MYG1: variants seen among roughly 807,000 people sequenced by gnomAD.
MYG1 encodes MYG1 exonuclease, also known as UPF0160 protein MYG1, mitochondrial.
MYG1 carries 36 observed loss-of-function variants against 43.5 expected under a neutral mutation model. The observed-to-expected ratio is 0.83, with a 90% CI of 0.63 to 1.09. The LOEUF (loss-of-function observed/expected upper bound fraction) is 1.09, where lower values mean the gene tolerates loss of function less well. Ranked by LOEUF, MYG1 falls within the 50% of genes least tolerant of loss-of-function variation. The pLI is 0.00. For missense variants in MYG1, 529 were observed against 495.1 expected (o/e 1.07, Z -0.65); for synonymous variants, 220 against 202.8 (o/e 1.08, Z -0.72).
Position 53,305,961 on chromosome 12 carries a change from G to A in MYG1, c.543G>A (p.Gln181=), listed in dbSNP as rs755617027. The part of the protein sequence containing the change: ...EVDAVDNGIS[Q]WAEGEPRYAL... ...ATGCTGTGGACAATGGGATCTCCCA[G>A]TGGGCAGAGGGGGAGCCTCGATATG... Residue 181 remains glutamine, a synonymous_variant, in exon 4 of 7, where the codon CAG becomes CAA. Transcript: ENST00000267103. 6 of 1,613,898 alleles carry A rather than the reference G, an allele frequency of 3.7e-6. No individual in the cohort carries two copies. Among genetic ancestry groups the A allele is most frequent in the Non-Finnish European group, 5.1e-6 (6 of 1,179,912 alleles).
chr12:53,306,358 A>G (rs1326972000), intron 5 of MYG1, 38 bp downstream of exon 5: 1 of 1,610,082 alleles, frequency 6.2e-7, no homozygotes, highest in South Asian at 1.1e-5. Context: ...CTTGAGGATT[A>G]CTGACTGCCA....
chr12:53,299,826 C>T lies in MYG1; in HGVS notation c.89C>T (p.Ser30Phe), dbSNP rs780580856. Residue 30 changes from serine to phenylalanine, a missense_variant, in exon 1 of 7, where the codon TCC (serine) becomes TTC (phenylalanine). Physicochemically the swap from Ser to Phe is radical, Grantham distance 155. Coordinates refer to ENST00000267103, the MANE Select transcript of MYG1 (RefSeq NM_021640.4). ...CGGCACCGCATGCTCGGTCCAGAGT[C>T]CGTCCCGCCCCCAAAACGATCCCGC... ...YTRHRMLGPE[S>F]VPPPKRSRSK... The T allele has an allele frequency of 6.2e-7, 1 of 1,614,206 alleles. No individual in the cohort carries two copies. Among genetic ancestry groups the T allele is most frequent in the South Asian group, 1.1e-5 (1 of 91,090 alleles).
In MYG1 at chr12:53,300,273, AG is replaced by A; in HGVS notation, c.329+12del. ...TGACCATCACCAGAGGTAGGTTCTC[AG>A]ATACCATTTATTTAACTTCCTTGAC... is the stretch of plus-strand genomic sequence containing the variant. On this transcript the variant is annotated intron_variant, in intron 2 of 6. Transcript: ENST00000267103. The A allele has an allele frequency of 6.5e-7, 1 of 1,535,674 alleles. No homozygotes were observed. The highest frequency in any genetic ancestry group is 8.8e-7 in the Non-Finnish European group (1 of 1,135,748).
intron 2 of MYG1, among the ~76,000 whole-genome samples, chr12:53,302,799 C>T (rs1453087271): frequency 6.6e-6 from 1 of 152,152 alleles, no homozygotes; most frequent in Non-Finnish European, 1.5e-5. Context: ...GAACCCTTTC[C>T]TCATCCCTTC....
At chr12:53,304,019 A>G (rs1022803485) in intron 3 of MYG1, among the ~76,000 whole-genome samples, 4 of 151,334 alleles carry the variant, frequency 2.6e-5, no homozygotes, top group Admixed American at 6.6e-5. Context: ...AATTTTTTGT[A>G]TTTTTAGTAG....
intron 2 of MYG1, 83 bp downstream of exon 2, chr12:53,300,345 C>T: frequency 1.9e-6 from 2 of 1,050,088 alleles, no homozygotes; most frequent in Middle Eastern, 2.1e-4. Context: ...CTGCCGTAGT[C>T]CGCGTCAGCG....
intron 2 of MYG1, among the ~76,000 whole-genome samples, chr12:53,300,915 T>C (rs1412370860): frequency 2.8e-5 from 4 of 144,522 alleles, no homozygotes; most frequent in Admixed American, 1.4e-4. Flanking sequence ...GGATTCTTTT[T>C]TCTTTTCTTT....
intron 1 of MYG1, 42 bp from the exon 2 acceptor site, chr12:53,300,108 C>G (rs1247156972): frequency 1.2e-5 from 19 of 1,547,716 alleles, no homozygotes; most frequent in Non-Finnish European, 1.6e-5. Context: ...ATCCCCTACC[C>G]GGCGACACCC....
intron 2 of MYG1, among the ~76,000 whole-genome samples, chr12:53,300,520 C>T (rs1231511272): frequency 6.6e-6 from 1 of 152,130 alleles, no homozygotes; most frequent in Non-Finnish European, 1.5e-5. Context: ...GCTTTTTTTC[C>T]ATCAGCAACT....
intron 2 of MYG1, among the ~76,000 whole-genome samples, chr12:53,302,225 C>T (rs1459980430): frequency 1.3e-5 from 2 of 152,162 alleles, no homozygotes; most frequent in Non-Finnish European, 1.5e-5. Context: ...CAAGTGATCA[C>T]GCCTTGGCCT....
chr12:53,301,750 G>GCA (rs1944234295), intron 2 of MYG1, among the ~76,000 whole-genome samples: 2 of 150,956 alleles, frequency 1.3e-5, no homozygotes. Context: ...GTGCAGTGAT[G>GCA]TGATCTCGAC....
chr12:53,299,820 C>T lies in MYG1; in HGVS notation c.83C>T (p.Pro28Leu), dbSNP rs372333604. 6.2e-7 allele frequency: 1 copy of T among 1,614,158 alleles called. No homozygotes were observed. The highest frequency in any genetic ancestry group is 1.1e-5 in the South Asian group (1 of 91,082). Reference sequence around the variant, plus strand: ...TATACCCGGCACCGCATGCTCGGTCCAGAGTCCGTCCCGCCCCCAAAACGA... The same window carrying T: ...TATACCCGGCACCGCATGCTCGGTCTAGAGTCCGTCCCGCCCCCAAAACGA... The part of the protein sequence containing the change: ...PLYTRHRMLG[P>L]ESVPPPKRSR... The change falls in exon 1 of 7, where the codon CCA becomes CTA. Residue 28 changes from proline (P) to leucine (L), a missense_variant. Transcript: ENST00000267103.
intron 2 of MYG1, among the ~76,000 whole-genome samples, chr12:53,302,108 A>G (rs1377397303): frequency 6.6e-6 from 1 of 152,150 alleles, no homozygotes. Flanking sequence ...CAGCTTCCCA[A>G]GAAGCTGGGA....
Position 53,299,724 on chromosome 12 carries a change from G to C in MYG1, c.-14G>C, listed in dbSNP as rs769600274. On this transcript the variant is annotated 5_prime_UTR_variant, in exon 1 of 7. Coordinates refer to ENST00000267103, the MANE Select transcript of MYG1 (RefSeq NM_021640.4). ...TCCGGGTCGGCGCTCCTGCCTCCCTGCAGGGAGCTGCTTATGGGACACCAA... is the reference window on the plus strand; with the variant it reads ...TCCGGGTCGGCGCTCCTGCCTCCCTCCAGGGAGCTGCTTATGGGACACCAA... 2 of 1,605,636 alleles carry C rather than the reference G, an allele frequency of 1.2e-6. No homozygotes were observed. Among genetic ancestry groups the C allele is most frequent in the South Asian group, 2.2e-5 (2 of 90,252 alleles).
chr12:53,306,611 T>A (rs1565774846), intron 5 of MYG1, 69 bp from the exon 6 acceptor site: 1 of 1,511,010 alleles, frequency 6.6e-7, no homozygotes, highest in East Asian at 2.3e-5. Flanking sequence ...CCCAAAATGT[T>A]GTGACTACAA....
In MYG1 at chr12:53,306,193, C is replaced by T. The variant is rs1220081542; in HGVS notation, c.643-5C>T. ...CATCATGGTTCTAATTCTCATCATT[C>T]CCAGGCAGGGTTCAAGCGTGCAATG... On this transcript the variant is annotated splice_region_variant and splice_polypyrimidine_tract_variant and intron_variant, in intron 4 of 6. Coordinates refer to ENST00000267103, the MANE Select transcript of MYG1 (RefSeq NM_021640.4). 5 of 1,614,080 alleles carry T rather than the reference C, an allele frequency of 3.1e-6. No individual in the cohort carries two copies. Among genetic ancestry groups the T allele is most frequent in the African/African-American group, 2.7e-5 (2 of 74,930 alleles).
intron 5 of MYG1, 49 bp downstream of exon 5, chr12:53,306,369 ATCAACAGGAACTCCTGCTTCT>A (rs2121073656): frequency 1.2e-6 from 2 of 1,606,832 alleles, no homozygotes; most frequent in East Asian, 4.5e-5. Context: ...CTGACTGCCA[ATCAACAGGAACTCCTGCTTCT>A]TCTACCCTAA....
At position 53,307,016 on chromosome 12, in the gene MYG1, A is replaced by G; in HGVS notation, c.998A>G (p.Gln333Arg). ...GGTCTTCGGGACGAGGCCCTGGACC[A>G]GGTCAGTGGGATCCCTGGCTGCATC... ...WRGLRDEALD[Q>R]VSGIPGCIFV... The change falls in exon 7 of 7, where the codon CAG (glutamine) becomes CGG (arginine). Residue 333 changes from glutamine (Q) to arginine (R), a missense_variant. Transcript: ENST00000267103. 1 of 1,614,238 alleles carries G rather than the reference A, an allele frequency of 6.2e-7. No homozygotes were observed. Among genetic ancestry groups the G allele is most frequent in the Non-Finnish European group, 8.5e-7 (1 of 1,180,048 alleles).
At chr12:53,300,018 C>T (rs1944213439) in intron 1 of MYG1, 65 bp downstream of exon 1, 1 of 1,589,184 alleles carries the variant, frequency 6.3e-7, no homozygotes, top group Non-Finnish European at 8.6e-7. Context: ...GATGGCATTC[C>T]GCCAACAGGG....
Sources: gnomAD v4.1 joint callset for allele counts (sites outside exome capture counted in the v4.1 genomes callset) on GRCh38, gnomAD v4.1.1 for gene constraint, MANE v1.5 for transcripts, NCBI Gene and HGNC (gene_info 2026-07-23, HGNC 2026-07-21) for gene names.